The following CCR5AS variants were observed in gnomAD, a reference collection of about 807,000 sequenced individuals.
CCR5AS encodes CCR5 antisense RNA.
chr3:46,395,862 C>G (rs1452947278), intron 1 of CCR5AS, among the ~76,000 whole-genome samples: 1 of 152,110 alleles, frequency 6.6e-6, no homozygotes, highest in African/African-American at 2.4e-5. Context: ...TTTCCAAGAC[C>G]CTTTCCAGAA....
intron 1 of CCR5AS, among the ~76,000 whole-genome samples, chr3:46,403,000 T>C (rs753978771): frequency 2.0e-5 from 3 of 152,252 alleles, no homozygotes; most frequent in Admixed American, 6.5e-5. Flanking sequence ...TATTTGGTTT[T>C]CTGTTCCTGT....
At chr3:46,392,431 G>A (rs1701921509) in intron 2 of CCR5AS, among the ~76,000 whole-genome samples, 1 of 152,184 alleles carries the variant, frequency 6.6e-6, no homozygotes, top group Admixed American at 6.5e-5. Context: ...TGCCCATAGT[G>A]AAAGAGGTAA....
At chr3:46,381,043 T>C (rs1476363465) in intron 2 of CCR5AS, among the ~76,000 whole-genome samples, 1 of 152,204 alleles carries the variant, frequency 6.6e-6, no homozygotes, top group Non-Finnish European at 1.5e-5. Context: ...TCATTGGCAA[T>C]ACCAAAGATC....
intron 3 of CCR5AS, among the ~76,000 whole-genome samples, chr3:46,367,872 T>C (rs1701615436): frequency 6.6e-6 from 1 of 152,232 alleles, no homozygotes. Context: ...GCACTTGGCC[T>C]AGACATTTGT....
intron 2 of CCR5AS, chr3:46,373,994 A>G (rs1701716409): frequency 6.7e-7 from 1 of 1,485,778 alleles, no homozygotes; most frequent in African/African-American, 1.4e-5. Flanking sequence ...ACCCAGTCAG[A>G]GTTGTGCACA....
intron 2 of CCR5AS, among the ~76,000 whole-genome samples, chr3:46,386,512 G>A (rs1489744852): frequency 6.6e-6 from 1 of 152,206 alleles, no homozygotes. Flanking sequence ...GGCAGAGACA[G>A]TGAGATGGTG....
chr3:46,372,191 A>G (rs762644258), intron 2 of CCR5AS, among the ~76,000 whole-genome samples: 9 of 152,146 alleles, frequency 5.9e-5, no homozygotes, highest in Non-Finnish European at 1.2e-4. Context: ...GCTTGCTCAT[A>G]GTGCATGTTC....
chr3:46,366,394 CTGT>C (rs1277474857), intron 3 of CCR5AS, among the ~76,000 whole-genome samples: 5 of 152,318 alleles, frequency 3.3e-5, no homozygotes, highest in Admixed American at 2.0e-4. Flanking sequence ...TATTGTTGAA[CTGT>C]TAGCTTAGAC....
intron 1 of CCR5AS, among the ~76,000 whole-genome samples, chr3:46,403,536 A>G (rs955513957): frequency 6.6e-6 from 1 of 152,326 alleles, no homozygotes. Context: ...CATAACCTCT[A>G]AGCTAAGGCA....
intron 2 of CCR5AS, chr3:46,374,143 C>G: frequency 2.3e-6 from 1 of 426,870 alleles, no homozygotes; most frequent in Non-Finnish European, 4.3e-6. Flanking sequence ...CTTTTAAGCC[C>G]ATCAATTATA....
chr3:46,365,497 C>T (rs1701591106), intron 3 of CCR5AS, among the ~76,000 whole-genome samples: 1 of 152,188 alleles, frequency 6.6e-6, no homozygotes, highest in Admixed American at 6.5e-5. Context: ...TTTATATGCA[C>T]TGGGAAACCA....
In CCR5AS at chr3:46,367,365, TAA is replaced by T. The variant is rs10714482; in HGVS notation, n.566-2322_566-2321del. ...AAATGTCTACACTATAATCTTTAGC[TAA>T]AAAAAAAAAAAAAAGAAGCCGCCTA... On this transcript the variant is annotated intron_variant and non_coding_transcript_variant, in intron 3 of 3. Transcript: ENST00000451485. Among the ~76,000 whole-genome samples, 334 of 129,538 alleles carry T rather than the reference TAA, an allele frequency of 2.6e-3. 1 individual carries two copies. Among genetic ancestry groups the T allele is most frequent in the Middle Eastern group, 0.016 (4 of 248 alleles). 85.0% of individuals were successfully genotyped at this position (129,538 alleles called of 152,430 possible). A position where few individuals can be genotyped will look rare whatever the true frequency, so the allele number is the denominator to read the frequency against.
chr3:46,406,484 G>A (rs1289944315), intron 1 of CCR5AS, among the ~76,000 whole-genome samples: 2 of 151,482 alleles, frequency 1.3e-5, no homozygotes, highest in Non-Finnish European at 2.9e-5. Flanking sequence ...TCCAAATCTG[G>A]GCTGTTCTCT....
At chr3:46,367,158 T>A (rs1167828441) in intron 3 of CCR5AS, among the ~76,000 whole-genome samples, 1 of 152,090 alleles carries the variant, frequency 6.6e-6, no homozygotes, top group Non-Finnish European at 1.5e-5. Flanking sequence ...GGCCCTTACC[T>A]CTGGGTGGAG....
chr3:46,393,869 G>A (rs540582174), intron 1 of CCR5AS, among the ~76,000 whole-genome samples: 13 of 152,284 alleles, frequency 8.5e-5, no homozygotes, highest in Non-Finnish European at 1.9e-4. Context: ...GGTTAAATCG[G>A]CACAAATGAA....
At chr3:46,398,645 C>A (rs1701981123) in intron 1 of CCR5AS, among the ~76,000 whole-genome samples, 1 of 152,148 alleles carries the variant, frequency 6.6e-6, no homozygotes, top group African/African-American at 2.4e-5. Context: ...CCTAGAAACC[C>A]TTCTACCCTC....
At chr3:46,401,795 AAT>A (rs1000404497) in intron 1 of CCR5AS, among the ~76,000 whole-genome samples, 44 of 149,116 alleles carry the variant, frequency 3.0e-4, no homozygotes, top group African/African-American at 9.8e-4. Flanking sequence ...TTTAATTAAT[AAT>A]ATATTTATTT....
chr3:46,391,998 G>A (rs538801352), intron 2 of CCR5AS, among the ~76,000 whole-genome samples: 1 of 152,270 alleles, frequency 6.6e-6, no homozygotes, highest in African/African-American at 2.4e-5. Context: ...ATGCCTGGAC[G>A]TCAGGCACCT....
intron 2 of CCR5AS, among the ~76,000 whole-genome samples, chr3:46,388,325 T>C (rs1428707458): frequency 1.3e-5 from 2 of 152,004 alleles, no homozygotes; most frequent in Non-Finnish European, 2.9e-5. Context: ...AGGGGTGATA[T>C]TGTGGGGTTG....
Sources: allele counts gnomAD v4.1 joint callset (sites outside exome capture counted in the v4.1 genomes callset), GRCh38; gene constraint gnomAD v4.1.1; transcripts MANE v1.5; gene names NCBI Gene and HGNC (gene_info 2026-07-23, HGNC 2026-07-21).